Variants in ZNF420 observed in about 807,000 individuals in gnomAD.
The protein encoded by ZNF420 is zinc finger protein 420.
A neutral mutation model predicts 44.7 loss-of-function variants in ZNF420; 31 were observed. The observed-to-expected ratio is 0.69, with a 90% CI of 0.52 to 0.94. The LOEUF (loss-of-function observed/expected upper bound fraction) is 0.94. Ranked by LOEUF, ZNF420 falls within the 40% of genes least tolerant of loss-of-function variation. ZNF420 has a pLI of 0.00. For synonymous variants in ZNF420, 245 were observed against 267.4 expected, an observed-to-expected ratio of 0.92 and a Z score of 0.82; for missense variants, 681 against 827.9, an observed-to-expected ratio of 0.82 and a Z score of 2.18.
At chr19:37,045,336 A>G (rs573963109) in intron 1 of ZNF420, among the ~76,000 whole-genome samples, 9 of 152,368 alleles carry the variant, frequency 5.9e-5, no homozygotes, top group African/African-American at 2.2e-4. Context: ...GATGAAGTCA[A>G]CAGGTGTTAT....
intron 1 of ZNF420, among the ~76,000 whole-genome samples, chr19:37,030,456 C>T (rs555629817): frequency 5.3e-5 from 8 of 152,260 alleles, no homozygotes; most frequent in South Asian, 4.1e-4. Flanking sequence ...CCACTGCATC[C>T]GGCCTTCTAT....
chr19:37,127,364 T>C lies in ZNF420; in HGVS notation c.373T>C (p.Tyr125His). Reference sequence around the variant, plus strand: ...AATGTCCATTTTCAACCAGCATACTTACTTATCTCAACATTCAAGATGTCA... The same window carrying C: ...AATGTCCATTTTCAACCAGCATACTCACTTATCTCAACATTCAAGATGTCA... ...DKMSIFNQHT[Y>H]LSQHSRCHST... The change falls in exon 5 of 5, where the codon TAC becomes CAC. Residue 125 changes from tyrosine (Y) to histidine (H), a missense_variant. Physicochemically the swap from Tyr to His is moderately conservative, Grantham distance 83. This residue lies in a region of ZNF420 where 350 missense variants were observed against 382.5 expected (regional missense o/e 0.92). Coordinates refer to ENST00000337995, the MANE Select transcript of ZNF420 (RefSeq NM_144689.5). 3 of 1,613,028 alleles carry C rather than the reference T, an allele frequency of 1.9e-6. No individual in the cohort carries two copies. The highest frequency in any genetic ancestry group is 2.5e-6 in the Non-Finnish European group (3 of 1,179,132).
In ZNF420 at chr19:37,091,067, A is replaced by C. The variant is rs1568449922; in HGVS notation, c.82A>C (p.Arg28=). ...GTGGGAATGCCTGGACTCTGCTCAG[A>C]GAGATTTGTATAGAGATGTGATGTT... ...EEWECLDSAQ[R]DLYRDVMLEN... Residue 28 remains arginine, a synonymous_variant, in exon 4 of 5, where the codon AGA becomes CGA. Transcript: ENST00000337995. 1 of 1,613,098 alleles carries C rather than the reference A, an allele frequency of 6.2e-7. No individual in the cohort carries two copies. Among genetic ancestry groups the C allele is most frequent in the Non-Finnish European group, 8.5e-7 (1 of 1,179,724 alleles).
intron 1 of ZNF420, among the ~76,000 whole-genome samples, chr19:37,013,274 G>A (rs1403003874): frequency 2.0e-5 from 3 of 152,128 alleles, no homozygotes; most frequent in Admixed American, 6.5e-5. Context: ...TTTTTTAAAG[G>A]GGCCACTGAC....
chr19:37,060,885 C>T (rs1332834634), intron 1 of ZNF420, among the ~76,000 whole-genome samples: 3 of 152,022 alleles, frequency 2.0e-5, no homozygotes, highest in Non-Finnish European at 2.9e-5. Flanking sequence ...AGGGAACCAA[C>T]GGGACTGGGC....
At chr19:37,101,014 A>C (rs548516151) in intron 4 of ZNF420, among the ~76,000 whole-genome samples, 3 of 106,054 alleles carry the variant, frequency 2.8e-5, no homozygotes, top group African/African-American at 1.1e-4. Context: ...TTTTTTTGCT[A>C]TCTATTATAA....
At chr19:37,100,223 G>A (rs1233823946) in intron 4 of ZNF420, among the ~76,000 whole-genome samples, 1 of 152,094 alleles carries the variant, frequency 6.6e-6, no homozygotes, top group East Asian at 1.9e-4. Context: ...TTTTCCCAAT[G>A]TGTGTTCTTG....
At chr19:37,075,455 G>A (rs945558790), upstream of ZNF420, among the ~76,000 whole-genome samples, 10 of 152,114 alleles carry the variant, frequency 6.6e-5, no homozygotes, top group African/African-American at 2.2e-4. Context: ...CTAAAAGAGA[G>A]AGAGAGGCCG....
At chr19:37,024,755 T>C (rs1246727300) in intron 1 of ZNF420, 1 of 152,006 alleles carries the variant, frequency 6.6e-6, no homozygotes, top group Non-Finnish European at 1.5e-5. Flanking sequence ...TGGCCTTAAT[T>C]TTTTTAAATA....
At chr19:37,119,687 T>C in intron 4 of ZNF420, among the ~76,000 whole-genome samples, 1 of 151,242 alleles carries the variant, frequency 6.6e-6, no homozygotes, top group Non-Finnish European at 1.5e-5. Flanking sequence ...ATCCAGGAGC[T>C]GGTTTTTTGA....
intron 2 of ZNF420, among the ~76,000 whole-genome samples, chr19:37,084,883 T>C (rs1435197202): frequency 6.6e-6 from 1 of 152,232 alleles, no homozygotes; most frequent in African/African-American, 2.4e-5. Flanking sequence ...ATATTTTTTT[T>C]TGAAAACTTG....
chr19:37,016,601 A>G (rs2074610618), intron 1 of ZNF420, among the ~76,000 whole-genome samples: 1 of 151,874 alleles, frequency 6.6e-6, no homozygotes, highest in South Asian at 2.1e-4. Context: ...TCTCAACCTT[A>G]TCTGTCCCCA....
intron 1 of ZNF420, among the ~76,000 whole-genome samples, chr19:37,057,801 G>A (rs1967787477): frequency 6.6e-6 from 1 of 152,128 alleles, no homozygotes; most frequent in African/African-American, 2.4e-5. Flanking sequence ...AAGCCTCATA[G>A]GAGCTCATTC....
At chr19:37,036,274 G>A (rs1327993019) in intron 1 of ZNF420, among the ~76,000 whole-genome samples, 1 of 152,162 alleles carries the variant, frequency 6.6e-6, no homozygotes, top group African/African-American at 2.4e-5. Flanking sequence ...AATGTTTGAG[G>A]TTATGGATAT....
intron 1 of ZNF420, among the ~76,000 whole-genome samples, chr19:37,015,327 A>T (rs1300783316): frequency 6.6e-6 from 1 of 151,912 alleles, no homozygotes; most frequent in Non-Finnish European, 1.5e-5. Context: ...GCTGGCTCCA[A>T]CCCACAGGGG....
At chr19:37,061,542 A>G (rs2146441468) in intron 1 of ZNF420, among the ~76,000 whole-genome samples, 1 of 152,342 alleles carries the variant, frequency 6.6e-6, no homozygotes, top group Non-Finnish European at 1.5e-5. Context: ...TTAAGAAACA[A>G]GCAAAGAAAA....
intron 4 of ZNF420, among the ~76,000 whole-genome samples, chr19:37,096,908 T>C (rs1184647575): frequency 1.3e-5 from 2 of 151,680 alleles, no homozygotes; most frequent in African/African-American, 2.4e-5. Flanking sequence ...TATTCTTTTT[T>C]TTTTTTTTGA....
chr19:37,122,254 A>G (rs1971088621), intron 4 of ZNF420, among the ~76,000 whole-genome samples: 1 of 152,224 alleles, frequency 6.6e-6, no homozygotes, highest in South Asian at 2.1e-4. Flanking sequence ...AAAATGTGGC[A>G]CATATATACC....
chr19:37,118,211 G>T (rs1181888792), intron 4 of ZNF420, among the ~76,000 whole-genome samples: 1 of 152,098 alleles, frequency 6.6e-6, no homozygotes, highest in Non-Finnish European at 1.5e-5. Context: ...AAATGTTAAG[G>T]GCAGCCAGAG....
Sources: allele counts gnomAD v4.1 joint callset (sites outside exome capture counted in the v4.1 genomes callset), GRCh38; gene constraint gnomAD v4.1.1; regional missense constraint gnomAD v4.1.1; transcripts MANE v1.5; gene names NCBI Gene and HGNC (gene_info 2026-07-23, HGNC 2026-07-21).